The following DPF3 variants were observed in gnomAD, a reference collection of about 807,000 sequenced individuals.
DPF3 encodes double PHD fingers 3, also known as zinc finger protein DPF3.
DPF3 carries 18 observed loss-of-function variants against 56.8 expected under a neutral mutation model. The observed-to-expected ratio is 0.32, with a 90% CI of 0.22 to 0.47. The LOEUF (loss-of-function observed/expected upper bound fraction) is 0.47, where lower values mean the gene tolerates loss of function less well. Among genes scored for constraint, DPF3 ranks in the 20% least tolerant of loss-of-function variants. DPF3 has a pLI of 1.00. For synonymous variants in DPF3, 188 were observed against 180.2 expected (o/e 1.04, Z -0.35); for missense variants, 403 against 488.8 (o/e 0.82, Z 1.65).
At chr14:72,661,087 C>T (rs1041182604) in intron 8 of DPF3, 2 of 985,502 alleles carry the variant, frequency 2.0e-6, no homozygotes, top group Non-Finnish European at 2.4e-6. Context: ...GAAACTTACA[C>T]ACACTTGGTA....
chr14:72,811,768 C>T (rs756257527), intron 1 of DPF3, among the ~76,000 whole-genome samples: 6 of 152,168 alleles, frequency 3.9e-5, no homozygotes, highest in Non-Finnish European at 8.8e-5. Flanking sequence ...TTGCAAAACA[C>T]TTTCACATAT....
rs746608047 is a variant in DPF3 at position 72,753,352 on chromosome 14, C to T, written c.213G>A (p.Leu71=). ...GCCAGCAGCGGGCAGGGTATGTATACAGCTGGCCCGGGGCAAGGCCTGTGG... is the reference window on the plus strand; with the variant it reads ...GCCAGCAGCGGGCAGGGTATGTATATAGCTGGCCCGGGGCAAGGCCTGTGG... ...HRGPGLAPGQ[L]YTYPARCWRK... Residue 71 remains leucine, a synonymous_variant, in exon 3 of 11, where the codon CTG becomes CTA. Transcript: ENST00000556509. The T allele has an allele frequency of 1.2e-6, 2 of 1,612,648 alleles. No homozygotes were observed. The highest frequency in any genetic ancestry group is 1.3e-5 in the African/African-American group (1 of 75,042).
intron 1 of DPF3, among the ~76,000 whole-genome samples, chr14:72,792,834 T>C (rs1892496909): frequency 6.6e-6 from 1 of 151,976 alleles, no homozygotes; most frequent in African/African-American, 2.4e-5. Context: ...AAATCTTAGA[T>C]TGCTGCTGCT....
chr14:72,662,698 G>T, intron 8 of DPF3: 1 of 987,668 alleles, frequency 1.0e-6, no homozygotes, highest in Non-Finnish European at 1.2e-6. Context: ...TGAAACACAC[G>T]CACAGGAGGG....
chr14:72,627,562 G>A (rs1392939864), intron 9 of DPF3, among the ~76,000 whole-genome samples: 1 of 152,000 alleles, frequency 6.6e-6, no homozygotes, highest in African/African-American at 2.4e-5. Flanking sequence ...AGGCTTTACA[G>A]TATGTTTTAA....
chr14:72,743,545 T>C (rs1890211873), intron 3 of DPF3, among the ~76,000 whole-genome samples: 1 of 151,948 alleles, frequency 6.6e-6, no homozygotes, highest in Non-Finnish European at 1.5e-5. Flanking sequence ...TCTGGGCATT[T>C]ACTTCAAGGG....
chr14:72,689,829 C>T (rs1567201419), intron 7 of DPF3, among the ~76,000 whole-genome samples: 1 of 152,130 alleles, frequency 6.6e-6, no homozygotes, highest in Non-Finnish European at 1.5e-5. Flanking sequence ...AGGATGTTTT[C>T]TGCAGGCACT....
intron 1 of DPF3, among the ~76,000 whole-genome samples, chr14:72,884,860 G>A (rs1304026425): frequency 1.4e-5 from 2 of 146,504 alleles, no homozygotes; most frequent in African/African-American, 5.0e-5. Flanking sequence ...ACTTTGGGAG[G>A]CCGAGGCGGG....
intron 5 of DPF3, among the ~76,000 whole-genome samples, chr14:72,718,384 G>T (rs1460998072): frequency 1.3e-5 from 2 of 152,156 alleles, no homozygotes; most frequent in African/African-American, 2.4e-5. Flanking sequence ...AATCCTGGGG[G>T]ATCCCTGAGT....
chr14:72,733,200 C>T (rs1410089404), intron 3 of DPF3, among the ~76,000 whole-genome samples: 1 of 152,190 alleles, frequency 6.6e-6, no homozygotes, highest in African/African-American at 2.4e-5. Context: ...TACCCCCACA[C>T]TGCCACAGTT....
chr14:72,639,900 C>G (rs1350589659), intron 8 of DPF3, among the ~76,000 whole-genome samples: 1 of 151,340 alleles, frequency 6.6e-6, no homozygotes, highest in Non-Finnish European at 1.5e-5. Flanking sequence ...GACTATAATA[C>G]AATGTGATAA....
chr14:72,797,885 T>C (rs1177714251), intron 1 of DPF3, among the ~76,000 whole-genome samples: 2 of 152,136 alleles, frequency 1.3e-5, no homozygotes, highest in Admixed American at 6.5e-5. Context: ...AAAATTACCC[T>C]TCCCTGTCAA....
At chr14:72,807,700 T>C (rs1882844801) in intron 1 of DPF3, among the ~76,000 whole-genome samples, 2 of 152,142 alleles carry the variant, frequency 1.3e-5, no homozygotes, top group Admixed American at 1.3e-4. Context: ...AAATCCAGTC[T>C]TACAAGAGTA....
At chr14:72,647,804 C>T (rs1026301127) in intron 8 of DPF3, among the ~76,000 whole-genome samples, 6 of 152,054 alleles carry the variant, frequency 3.9e-5, no homozygotes, top group African/African-American at 1.4e-4. Flanking sequence ...ATACCTGAGC[C>T]AAAAATCACG....
intron 1 of DPF3, among the ~76,000 whole-genome samples, chr14:72,788,851 G>A (rs1302303972): frequency 6.6e-6 from 1 of 152,222 alleles, no homozygotes; most frequent in Non-Finnish European, 1.5e-5. Flanking sequence ...GCCTGAGGAA[G>A]TATAGGCTCT....
At chr14:72,620,080 G>C in intron 9 of DPF3, 96 bp from the exon 10 acceptor site, 1 of 1,283,572 alleles carries the variant, frequency 7.8e-7, no homozygotes, top group Non-Finnish European at 1.0e-6. Flanking sequence ...TTTCCACGTC[G>C]GTCTCACTGG....
In DPF3 at chr14:72,771,779, G is replaced by A; in HGVS notation, c.147C>T (p.Ala49=). The change falls in exon 2 of 11, where the codon GCC becomes GCT. Residue 49 remains alanine, a synonymous_variant. Transcript: ENST00000556509. ...LPFLDSQTGV[A]QNNCYIWMEK... is the part of the protein sequence containing the mutation. ...CCATCCAGATGTAGCAGTTGTTCTG[G>A]GCCACCCCAGTCTGTGAGTCCAGGA... 6.2e-7 allele frequency: 1 copy of A among 1,613,580 alleles called. No homozygotes were observed. The highest frequency in any genetic ancestry group is 8.5e-7 in the Non-Finnish European group (1 of 1,179,692).
At chr14:72,650,813 G>A (rs1364869016) in intron 8 of DPF3, among the ~76,000 whole-genome samples, 2 of 152,144 alleles carry the variant, frequency 1.3e-5, no homozygotes, top group Admixed American at 6.5e-5. Context: ...CAGGATCAGC[G>A]TGTGTGGGTG....
chr14:72,888,766 C>T (rs1159517431), intron 1 of DPF3, among the ~76,000 whole-genome samples: 1 of 152,060 alleles, frequency 6.6e-6, no homozygotes, highest in Non-Finnish European at 1.5e-5. Context: ...TTTTTTTGGC[C>T]AGAGGTTTGC....
Sources: allele counts gnomAD v4.1 joint callset (sites outside exome capture counted in the v4.1 genomes callset), GRCh38; gene constraint gnomAD v4.1.1; transcripts MANE v1.5; gene names NCBI Gene and HGNC (gene_info 2026-07-23, HGNC 2026-07-21).